Variants in SND1 observed in about 807,000 individuals in gnomAD.
SND1 encodes staphylococcal nuclease and tudor domain containing 1.
SND1 carries 38 observed loss-of-function variants against 121.7 expected under a neutral mutation model. That is an observed-to-expected ratio of 0.31 (90% CI 0.24 to 0.41). The LOEUF (loss-of-function observed/expected upper bound fraction) is 0.41, where lower values mean the gene tolerates loss of function less well. SND1 is among the 10% of genes least tolerant of loss of function. The probability of loss-of-function intolerance (pLI) is 1.00; values close to 1 mark genes in which losing one functional copy is unlikely to be tolerated. For synonymous variants in SND1, 401 were observed against 447.4 expected, an observed-to-expected ratio of 0.90 and a Z score of 1.31; for missense variants, 868 against 1,184.6, an observed-to-expected ratio of 0.73 and a Z score of 3.92.
intron 12 of SND1, among the ~76,000 whole-genome samples, chr7:127,848,307 A>G (rs1799103810): frequency 6.6e-6 from 1 of 152,240 alleles, no homozygotes; most frequent in Non-Finnish European, 1.5e-5. Flanking sequence ...TTAATGAAGT[A>G]TGTAATTAAA....
At chr7:127,925,856 A>G (rs1800820855) in intron 14 of SND1, among the ~76,000 whole-genome samples, 1 of 151,364 alleles carries the variant, frequency 6.6e-6, no homozygotes, top group Non-Finnish European at 1.5e-5. Flanking sequence ...CCGCGTCCCA[A>G]AGTGCTGGGA....
intron 16 of SND1, among the ~76,000 whole-genome samples, chr7:128,005,900 C>T (rs935075164): frequency 3.3e-5 from 5 of 152,300 alleles, no homozygotes; most frequent in South Asian, 2.1e-4. Context: ...CCCCAGCCCC[C>T]GACCTTTTTC....
At position 127,777,208 on chromosome 7, in the gene SND1, C is replaced by T. The variant is rs754895711; in HGVS notation, c.1153-30276C>T. Reference sequence around the variant, plus strand: ...TGCTGCACTCTCCTGTCTACCTCCCCGTAACAAGTGGAAAGCAATCACTGA... The same window carrying T: ...TGCTGCACTCTCCTGTCTACCTCCCTGTAACAAGTGGAAAGCAATCACTGA... On this transcript the variant is annotated intron_variant, in intron 10 of 23. Coordinates refer to ENST00000354725, the MANE Select transcript of SND1 (RefSeq NM_014390.4). 6.6e-5 allele frequency among the ~76,000 whole-genome samples: 10 copies of T among 152,310 alleles called. No homozygotes were observed. The East Asian group carries it at 9.6e-4, about 15-fold the overall frequency.
intron 15 of SND1, among the ~76,000 whole-genome samples, chr7:127,929,743 A>G (rs1044481211): frequency 5.3e-5 from 8 of 152,162 alleles, no homozygotes; most frequent in Non-Finnish European, 4.4e-5. Context: ...TAGCTCCCCA[A>G]GCAGTGCCCT....
At chr7:128,066,075 A>T (rs1793308838) in intron 16 of SND1, among the ~76,000 whole-genome samples, 1 of 152,230 alleles carries the variant, frequency 6.6e-6, no homozygotes, top group Non-Finnish European at 1.5e-5. Flanking sequence ...TAGCGCTCGC[A>T]AAGGCCTGGA....
Position 127,836,657 on chromosome 7 carries a change from A to G in SND1, c.1243-7667A>G, listed in dbSNP as rs57819124. Among the ~76,000 whole-genome samples, 10 of 152,284 alleles carry G rather than the reference A, an allele frequency of 6.6e-5. No individual in the cohort carries two copies. The East Asian group carries it at 1.9e-3, about 29-fold the overall frequency. ...AATAAGTAGGTTACATCTACCAGTT[A>G]TTTGTTTTCTTTTTAATAATATCAG... On this transcript the variant is annotated intron_variant, in intron 11 of 23. Transcript: ENST00000354725.
intron 11 of SND1, among the ~76,000 whole-genome samples, chr7:127,810,614 G>C (rs1285696070): frequency 6.6e-6 from 1 of 152,296 alleles, no homozygotes; most frequent in Non-Finnish European, 1.5e-5. Flanking sequence ...TTAGGCTGTG[G>C]TCTTCTTCTG....
intron 16 of SND1, among the ~76,000 whole-genome samples, chr7:128,049,240 G>GT (rs1793004476): frequency 6.6e-6 from 1 of 152,102 alleles, no homozygotes; most frequent in African/African-American, 2.4e-5. Context: ...AATTGATGAA[G>GT]TCAAGTCTGG....
At chr7:128,032,021 C>G (rs548186999) in intron 16 of SND1, 1 of 151,746 alleles carries the variant, frequency 6.6e-6, no homozygotes, top group African/African-American at 2.4e-5. Flanking sequence ...CCACCGTCTC[C>G]TCCTCGCGCC....
intron 10 of SND1, among the ~76,000 whole-genome samples, chr7:127,805,155 C>T (rs920581609): frequency 2.0e-5 from 3 of 152,096 alleles, no homozygotes; most frequent in African/African-American, 7.2e-5. Context: ...TACATCTGTC[C>T]CTTGTGTTAA....
intron 15 of SND1, among the ~76,000 whole-genome samples, chr7:127,957,686 A>C (rs1210202971): frequency 2.0e-5 from 3 of 150,836 alleles, no homozygotes; most frequent in African/African-American, 2.5e-5. Context: ...CAGTTATTTT[A>C]TTTATTTGTT....
chr7:127,694,717 C>T, intron 2 of SND1, 111 bp from the exon 3 acceptor site: 1 of 1,302,156 alleles, frequency 7.7e-7, no homozygotes, highest in Non-Finnish European at 1.1e-6. Flanking sequence ...AGCGCAGGGC[C>T]AGGACCATGG....
At chr7:127,720,434 C>T (rs1796472358) in intron 9 of SND1, among the ~76,000 whole-genome samples, 1 of 152,168 alleles carries the variant, frequency 6.6e-6, no homozygotes, top group Admixed American at 6.5e-5. Flanking sequence ...TATAATTGGG[C>T]AAATTGTAGA....
intron 1 of SND1, among the ~76,000 whole-genome samples, chr7:127,673,422 C>CT (rs1188361987): frequency 6.6e-6 from 1 of 152,108 alleles, no homozygotes; most frequent in Non-Finnish European, 1.5e-5. Flanking sequence ...AGCAATTCTC[C>CT]TGCCTTAGCC....
chr7:127,926,906 G>T (rs1800856099), intron 14 of SND1, among the ~76,000 whole-genome samples: 1 of 151,970 alleles, frequency 6.6e-6, no homozygotes, highest in Non-Finnish European at 1.5e-5. Context: ...TTCATAGTTG[G>T]CTTTCACTTC....
chr7:127,789,097 CT>C (rs767450719), intron 10 of SND1, among the ~76,000 whole-genome samples: 9 of 152,332 alleles, frequency 5.9e-5, no homozygotes, highest in Middle Eastern at 6.8e-3. Flanking sequence ...TTCACACTTG[CT>C]TAGGCAAATA....
chr7:127,652,663 G>A (rs942338718), intron 1 of SND1, among the ~76,000 whole-genome samples: 1 of 152,188 alleles, frequency 6.6e-6, no homozygotes, highest in South Asian at 2.1e-4. Context: ...GACATCAGGG[G>A]TCACAGTGAT....
intron 16 of SND1, among the ~76,000 whole-genome samples, chr7:128,034,540 A>G (rs75086499): frequency 0.087 from 13,288 of 152,144 alleles, 1,030 homozygotes; most frequent in African/African-American, 0.2. Flanking sequence ...CTGTAGGCAA[A>G]CTCAAACCCT....
chr7:128,036,302 TG>T (rs1792750234), intron 16 of SND1, among the ~76,000 whole-genome samples: 1 of 152,172 alleles, frequency 6.6e-6, no homozygotes, highest in Non-Finnish European at 1.5e-5. Context: ...AAATCAGAAT[TG>T]CAAAGGGAAG....
Sources: gnomAD v4.1 joint callset for allele counts (sites outside exome capture counted in the v4.1 genomes callset) on GRCh38, gnomAD v4.1.1 for gene constraint, MANE v1.5 for transcripts, NCBI Gene and HGNC (gene_info 2026-07-23, HGNC 2026-07-21) for gene names.